Variants in AKAP13 observed in about 807,000 individuals in gnomAD.
AKAP13 encodes A-kinase anchoring protein 13, also known as A-kinase anchor protein 13.
Under a neutral mutation model 264.5 loss-of-function variants are expected in AKAP13, and 80 were observed. The observed-to-expected ratio is 0.30, with a 90% CI of 0.25 to 0.36. AKAP13 has a LOEUF of 0.36. Ranked by LOEUF, AKAP13 falls within the 10% of genes least tolerant of loss-of-function variation. AKAP13 has a pLI of 1.00. For synonymous variants in AKAP13, 1,380 were observed against 1,250.2 expected, an observed-to-expected ratio of 1.10 and a Z score of -2.19; for missense variants, 3,712 against 3,435.2, an observed-to-expected ratio of 1.08 and a Z score of -2.01.
At chr15:85,723,680 A>G (rs960127354) in intron 26 of AKAP13, among the ~76,000 whole-genome samples, 1 of 152,224 alleles carries the variant, frequency 6.6e-6, no homozygotes, top group Non-Finnish European at 1.5e-5. Flanking sequence ...ATCTGTGGCA[A>G]AACTCACAAG....
chr15:85,505,973 C>T (rs1273970417), intron 2 of AKAP13, among the ~76,000 whole-genome samples: 1 of 152,142 alleles, frequency 6.6e-6, no homozygotes, highest in East Asian at 1.9e-4. Context: ...CTCATCCAGT[C>T]ATCTTAAGTA....
chr15:85,430,198 A>G (rs2072965138), intron 1 of AKAP13, among the ~76,000 whole-genome samples: 1 of 152,240 alleles, frequency 6.6e-6, no homozygotes, highest in African/African-American at 2.4e-5. Context: ...ACACTGAGGT[A>G]AAGTTTACCC....
At chr15:85,524,458 G>A (rs2076946928) in intron 3 of AKAP13, among the ~76,000 whole-genome samples, 1 of 151,988 alleles carries the variant, frequency 6.6e-6, no homozygotes, top group Non-Finnish European at 1.5e-5. Flanking sequence ...ACAGACGTGA[G>A]CCACCGTGCC....
chr15:85,656,743 T>C (rs932590027), intron 11 of AKAP13, among the ~76,000 whole-genome samples: 1 of 152,218 alleles, frequency 6.6e-6, no homozygotes, highest in African/African-American at 2.4e-5. Context: ...CCAGCGCGCC[T>C]GGCCTGAATT....
intron 5 of AKAP13, among the ~76,000 whole-genome samples, chr15:85,562,574 A>AAAAAAAAT (rs1351834745): frequency 2.6e-5 from 2 of 77,680 alleles, no homozygotes; most frequent in African/African-American, 8.0e-5. Flanking sequence ...CAAAAAAAAA[A>AAAAAAAAT]ATATATATAT....
At chr15:85,408,085 G>C (rs2071763018) in intron 1 of AKAP13, among the ~76,000 whole-genome samples, 1 of 151,692 alleles carries the variant, frequency 6.6e-6, no homozygotes, top group South Asian at 2.1e-4. Flanking sequence ...GTGAATGAGA[G>C]TGCACTGAGG....
intron 10 of AKAP13, among the ~76,000 whole-genome samples, chr15:85,650,755 CAAAAAAAAAAAAAAAAAAAAAAAAAA>C (rs66624781): frequency 3.1e-5 from 1 of 32,610 alleles, no homozygotes; most frequent in African/African-American, 8.8e-5. Flanking sequence ...GACTCCATCT[CAAAAAAAAAAAAAAAAAAAAAAAAAA>C]AAAAAAAAAC....
rs774017538 is a variant in AKAP13, at chr15:85,579,223, A to G, written c.1155A>G (p.Pro385=). The change falls in exon 7 of 37, where the codon CCA becomes CCG. Residue 385 remains proline (P), a synonymous_variant. Transcript: ENST00000394518. ...GVERKGEEVE[P]APIVDSGTVS... ...AAAGAAAAGGGGAAGAGGTGGAGCCAGCACCTATTGTGGACTCTGGAACTG... is the reference window on the plus strand; with the variant it reads ...AAAGAAAAGGGGAAGAGGTGGAGCCGGCACCTATTGTGGACTCTGGAACTG... 6 of 1,614,256 alleles carry G rather than the reference A, an allele frequency of 3.7e-6. No homozygotes were observed. In the South Asian group the frequency reaches 6.6e-5, roughly 18 times the overall value.
At chr15:85,682,039 T>A in intron 14 of AKAP13, 119 bp from the exon 15 acceptor site, 1 of 858,150 alleles carries the variant, frequency 1.2e-6, no homozygotes, top group Non-Finnish European at 1.9e-6. Context: ...GGAGGTACCA[T>A]GTGCTGACTT....
chr15:85,469,259 G>A lies in AKAP13; in HGVS notation c.-11-16451G>A, dbSNP rs185082441. On this transcript the variant is annotated intron_variant, in intron 1 of 36. Coordinates refer to ENST00000394518, the MANE Select transcript of AKAP13 (RefSeq NM_007200.5). ...AGGATAAATGAGAGATGTCATGTGCGGATATATGTCCTATTGCAACCAGAA... is the reference window on the plus strand; with the variant it reads ...AGGATAAATGAGAGATGTCATGTGCAGATATATGTCCTATTGCAACCAGAA... 4.0e-5 allele frequency among the ~76,000 whole-genome samples: 6 copies of A among 151,870 alleles called. No homozygotes were observed. In the East Asian group the frequency reaches 5.8e-4, roughly 15 times the overall value.
chr15:85,655,305 T>A, intron 10 of AKAP13, 112 bp from the exon 11 acceptor site: 1 of 1,369,980 alleles, frequency 7.3e-7, no homozygotes, highest in South Asian at 1.5e-5. Flanking sequence ...AGGCCAATTA[T>A]GATCTTACCT....
chr15:85,613,713 T>TG (rs1254657975), intron 8 of AKAP13, among the ~76,000 whole-genome samples: 7 of 111,020 alleles, frequency 6.3e-5, no homozygotes, highest in African/African-American at 1.3e-4. Context: ...TATATATATA[T>TG]TAGGAGTGCT....
chr15:85,679,712 G>A (rs2084476853), intron 14 of AKAP13, among the ~76,000 whole-genome samples: 1 of 152,170 alleles, frequency 6.6e-6, no homozygotes, highest in Non-Finnish European at 1.5e-5. Flanking sequence ...CCTGGCTGTA[G>A]TATAAATCTG....
chr15:85,660,797 C>T (rs1416221716), intron 12 of AKAP13, among the ~76,000 whole-genome samples: 1 of 152,080 alleles, frequency 6.6e-6, no homozygotes, highest in African/African-American at 2.4e-5. Flanking sequence ...AGCTTTATAC[C>T]ACTAATTTAA....
intron 5 of AKAP13, among the ~76,000 whole-genome samples, chr15:85,568,539 G>A (rs997112486): frequency 5.9e-5 from 9 of 152,154 alleles, no homozygotes; most frequent in African/African-American, 1.2e-4. Flanking sequence ...CGGTGAATAC[G>A]GAGAATGGTG....
At chr15:85,744,529 C>T (rs1331982319) in intron 36 of AKAP13, 99 bp from the exon 37 acceptor site, 21 of 1,288,758 alleles carry the variant, frequency 1.6e-5, no homozygotes, top group Non-Finnish European at 2.1e-5. Context: ...AAGCCCCAGT[C>T]GCCTGTTTGC....
At chr15:85,499,364 C>T (rs1271395904) in intron 2 of AKAP13, among the ~76,000 whole-genome samples, 5 of 152,072 alleles carry the variant, frequency 3.3e-5, no homozygotes, top group Admixed American at 6.6e-5. Flanking sequence ...AATTAAAGCC[C>T]CATATGCTTT....
chr15:85,484,320 A>G (rs1276719418), intron 1 of AKAP13, among the ~76,000 whole-genome samples: 3 of 152,142 alleles, frequency 2.0e-5, no homozygotes, highest in Non-Finnish European at 4.4e-5. Context: ...GCCTTTCTCA[A>G]GCTTGGTTTT....
At chr15:85,556,069 A>C (rs1009365002) in intron 5 of AKAP13, among the ~76,000 whole-genome samples, 1 of 152,166 alleles carries the variant, frequency 6.6e-6, no homozygotes, top group Non-Finnish European at 1.5e-5. Flanking sequence ...GAGGCACATA[A>C]GTTTTAGAGT....
Sources: gnomAD v4.1 joint callset for allele counts (sites outside exome capture counted in the v4.1 genomes callset) on GRCh38, gnomAD v4.1.1 for gene constraint, MANE v1.5 for transcripts, NCBI Gene and HGNC (gene_info 2026-07-23, HGNC 2026-07-21) for gene names.